The following CLPB variants were observed in gnomAD, a reference collection of about 807,000 sequenced individuals.
The protein encoded by CLPB is ClpB family mitochondrial disaggregase.
In CLPB, 40 loss-of-function variants were observed where a neutral mutation model predicts 78.4. That is an observed-to-expected ratio of 0.51 (90% CI 0.40 to 0.66). The LOEUF (loss-of-function observed/expected upper bound fraction) is 0.66, where lower values mean the gene tolerates loss of function less well. Ranked by LOEUF, CLPB falls within the 30% of genes least tolerant of loss-of-function variation. The pLI is 0.00. For missense variants in CLPB, 780 were observed against 886.9 expected (o/e 0.88, Z 1.53); for synonymous variants, 333 against 348.0 (o/e 0.96, Z 0.48).
intron 2 of CLPB, among the ~76,000 whole-genome samples, chr11:72,408,591 C>A (rs1191456904): frequency 6.7e-6 from 1 of 149,704 alleles, no homozygotes; most frequent in African/African-American, 2.5e-5. Flanking sequence ...CACTTGAACC[C>A]AGGAGGCGGA....
At chr11:72,329,942 A>C (rs1950194686) in intron 5 of CLPB, 138 bp from the exon 6 acceptor site, 4 of 622,712 alleles carry the variant, frequency 6.4e-6, no homozygotes, top group Non-Finnish European at 1.1e-5. Context: ...AAAACATGGT[A>C]CTGGGGCTCC....
At position 72,383,387 on chromosome 11, in the gene CLPB, C is replaced by T. The variant is rs1047727396; in HGVS notation, c.543-3003G>A. On this transcript the variant is annotated intron_variant, in intron 3 of 15. Coordinates refer to ENST00000538039, the MANE Select transcript of CLPB (RefSeq NM_001258392.3). Reference sequence around the variant, plus strand: ...AAAAATAAAAAATAAAAAAATTAGCCAGGCGTGGTGGCGGGCGCCTGTAGT... The same window carrying T: ...AAAAATAAAAAATAAAAAAATTAGCTAGGCGTGGTGGCGGGCGCCTGTAGT... Among the ~76,000 whole-genome samples, 9 of 151,736 alleles carry T rather than the reference C, an allele frequency of 5.9e-5. 1 individual carries two copies. The highest frequency in any genetic ancestry group is 4.4e-5 in the Non-Finnish European group (3 of 67,938).
chr11:72,433,949 T>C (rs1856624472), intron 1 of CLPB, 123 bp downstream of exon 1: 8 of 1,217,200 alleles, frequency 6.6e-6, no homozygotes, highest in Non-Finnish European at 9.2e-6. Flanking sequence ...AGATGATGTC[T>C]GAGTCCCTCC....
intron 5 of CLPB, among the ~76,000 whole-genome samples, chr11:72,334,125 C>T (rs1950278194): frequency 6.6e-6 from 1 of 152,200 alleles, no homozygotes; most frequent in South Asian, 2.1e-4. Context: ...TTAGCCTCTT[C>T]AAACAAGTGC....
intron 5 of CLPB, among the ~76,000 whole-genome samples, chr11:72,347,513 T>A (rs1054179428): frequency 6.6e-6 from 1 of 152,198 alleles, no homozygotes; most frequent in African/African-American, 2.4e-5. Context: ...GAAAAGATAG[T>A]AACAATACAG....
chr11:72,336,439 A>C (rs896684291), intron 5 of CLPB, among the ~76,000 whole-genome samples: 3 of 152,084 alleles, frequency 2.0e-5, no homozygotes. Context: ...CGCCTCTCCC[A>C]GCTGTGTGAT....
chr11:72,429,876 T>TA (rs1199138750), intron 2 of CLPB, among the ~76,000 whole-genome samples: 1 of 152,266 alleles, frequency 6.6e-6, no homozygotes, highest in Non-Finnish European at 1.5e-5. Context: ...CAGGCATTTC[T>TA]AGCCCCAGAC....
Position 72,290,074 on chromosome 11 carries a change from C to T in CLPB, c.*3293G>A, listed in dbSNP as rs946395683. The T allele has an allele frequency of 6.6e-6, 1 of 152,150 alleles. No individual in the cohort carries two copies. The highest frequency in any genetic ancestry group is 1.5e-5 in the Non-Finnish European group (1 of 68,030). 9.4% of individuals were successfully genotyped at this position (152,150 alleles called of 1,614,324 possible). On this transcript the variant is annotated 3_prime_UTR_variant, in exon 16 of 16. Transcript: ENST00000538039. ...GGTTTCCAGTGGCATCAAGAAACAA[C>T]TTGGTTTCTAAGTTCCTTTTTTCTG...
intron 4 of CLPB, among the ~76,000 whole-genome samples, chr11:72,377,466 T>G (rs947235773): frequency 6.6e-6 from 1 of 152,146 alleles, no homozygotes; most frequent in Admixed American, 6.5e-5. Context: ...TAAGAAGAGA[T>G]AGTTAATATT....
intron 3 of CLPB, among the ~76,000 whole-genome samples, chr11:72,386,496 A>G (rs572832681): frequency 4.7e-4 from 72 of 152,334 alleles, no homozygotes; most frequent in African/African-American, 1.7e-3. Flanking sequence ...ATGGTTTCCC[A>G]CGTACCATTT....
At chr11:72,427,444 A>T (rs1374645338) in intron 2 of CLPB, among the ~76,000 whole-genome samples, 2 of 152,216 alleles carry the variant, frequency 1.3e-5, no homozygotes, top group East Asian at 3.8e-4. Context: ...CATGCGCTAC[A>T]CAATGATGTG....
At position 72,286,475 on chromosome 11, in the gene CLPB, CAT is replaced by C. The variant is rs912379389; in HGVS notation, c.*6890_*6891del. 17 of 151,680 alleles carry C rather than the reference CAT, an allele frequency of 1.1e-4. No individual in the cohort carries two copies. Among genetic ancestry groups the C allele is most frequent in the African/African-American group, 4.1e-4 (17 of 41,308 alleles). The allele number at this position is 151,680 out of a possible 1,614,324, so 9.4% of individuals were successfully genotyped here. ...TTCCCTCAGATTTCCCAAATGTTAA[CAT>C]CTTTTTTTTGTTTGTTTTTGAGACA... On this transcript the variant is annotated 3_prime_UTR_variant, in exon 16 of 16. Coordinates refer to ENST00000538039, the MANE Select transcript of CLPB (RefSeq NM_001258392.3).
chr11:72,402,170 G>A (rs1189512722), intron 3 of CLPB, among the ~76,000 whole-genome samples: 1 of 152,154 alleles, frequency 6.6e-6, no homozygotes, highest in Admixed American at 6.5e-5. Context: ...TGAGGTGGGT[G>A]GATCGCTTGA....
At chr11:72,392,696 C>G (rs959391265) in intron 3 of CLPB, among the ~76,000 whole-genome samples, 2 of 152,174 alleles carry the variant, frequency 1.3e-5, no homozygotes, top group African/African-American at 4.8e-5. Context: ...CTTATAACAA[C>G]TTGCAATGAG....
chr11:72,322,797 G>T (rs1275763602), intron 6 of CLPB, among the ~76,000 whole-genome samples: 1 of 152,090 alleles, frequency 6.6e-6, no homozygotes, highest in African/African-American at 2.4e-5. Context: ...TGTGGGGAGA[G>T]ACTTTGACAC....
At chr11:72,348,198 G>C (rs1259924827) in intron 5 of CLPB, among the ~76,000 whole-genome samples, 3 of 152,162 alleles carry the variant, frequency 2.0e-5, no homozygotes, top group Admixed American at 2.0e-4. Flanking sequence ...GGAGGACCAG[G>C]GATGTGGAAG....
chr11:72,286,526 G>C lies in CLPB; in HGVS notation c.*6841C>G, dbSNP rs1305504062. The C allele has an allele frequency of 3.9e-5, 6 of 152,018 alleles. No homozygotes were observed. In the East Asian group the frequency reaches 1.2e-3, roughly 29 times the overall value. 9.4% of individuals were successfully genotyped at this position (152,018 alleles called of 1,614,324 possible). A position where few individuals can be genotyped will look rare whatever the true frequency, so the allele number is the denominator to read the frequency against. On this transcript the variant is annotated 3_prime_UTR_variant, in exon 16 of 16. Transcript: ENST00000538039. The stretch of plus-strand genomic sequence containing the variant: ...CAGTCTCACTCTGTCATCCAGGCTG[G>C]AGTGCAGTGGTGTGATGTAGGCTCA...
At chr11:72,398,189 G>A (rs1855462990) in intron 3 of CLPB, among the ~76,000 whole-genome samples, 2 of 152,196 alleles carry the variant, frequency 1.3e-5, no homozygotes, top group African/African-American at 4.8e-5. Flanking sequence ...CAGTGGAAGA[G>A]CAAATAGTGG....
intron 3 of CLPB, among the ~76,000 whole-genome samples, chr11:72,383,753 A>G (rs1424115820): frequency 6.6e-6 from 1 of 152,146 alleles, no homozygotes; most frequent in Non-Finnish European, 1.5e-5. Flanking sequence ...TTCAGAAATC[A>G]AGGAAAGATA....
Sources: allele counts gnomAD v4.1 joint callset (sites outside exome capture counted in the v4.1 genomes callset), GRCh38; gene constraint gnomAD v4.1.1; transcripts MANE v1.5; gene names NCBI Gene and HGNC (gene_info 2026-07-23, HGNC 2026-07-21).